The following ERC2 variants were observed in gnomAD, a reference collection of about 807,000 sequenced individuals.
ERC2 encodes the protein ERC protein 2.
ERC2 carries 42 observed loss-of-function variants against 114.8 expected under a neutral mutation model. The ratio of observed to expected loss-of-function variants is 0.37; its 90% CI spans 0.29 to 0.47. The LOEUF (loss-of-function observed/expected upper bound fraction) is 0.47, where lower values mean the gene tolerates loss of function less well. Among genes scored for constraint, ERC2 ranks in the 20% least tolerant of loss-of-function variants. The pLI, the probability that ERC2 is intolerant of heterozygous loss-of-function variation, is 0.99. For missense variants in ERC2, 939 were observed against 1,150.7 expected (o/e 0.82, Z 2.66); for synonymous variants, 454 against 425.5 (o/e 1.07, Z -0.82).
At chr3:55,845,188 T>C (rs1197022431) in intron 14 of ERC2, among the ~76,000 whole-genome samples, 3 of 152,124 alleles carry the variant, frequency 2.0e-5, no homozygotes, top group African/African-American at 7.2e-5. Flanking sequence ...AGCCCAGGGC[T>C]TGGGGACTCC....
chr3:55,948,032 A>G (rs2067245587), intron 13 of ERC2, among the ~76,000 whole-genome samples: 1 of 152,230 alleles, frequency 6.6e-6, no homozygotes, highest in African/African-American at 2.4e-5. Flanking sequence ...TCCAGGTTTG[A>G]CTGAGGTGAC....
intron 7 of ERC2, among the ~76,000 whole-genome samples, chr3:56,022,231 G>GA (rs1308236657): frequency 6.6e-6 from 1 of 152,072 alleles, no homozygotes; most frequent in African/African-American, 2.4e-5. Flanking sequence ...TTTGTAAAAA[G>GA]AAAAAATTAT....
At chr3:55,832,032 C>T (rs1411994609) in intron 14 of ERC2, among the ~76,000 whole-genome samples, 3 of 152,202 alleles carry the variant, frequency 2.0e-5, no homozygotes, top group African/African-American at 2.4e-5. Context: ...TCAAACTGCA[C>T]GTCAGCAGCG....
intron 14 of ERC2, among the ~76,000 whole-genome samples, chr3:55,833,629 C>A (rs1278823120): frequency 1.3e-5 from 2 of 152,200 alleles, no homozygotes; most frequent in Admixed American, 1.3e-4. Context: ...TGGAAAGGAA[C>A]AACTGGTACC....
chr3:55,538,784 T>C (rs754888066), intron 17 of ERC2, among the ~76,000 whole-genome samples: 3 of 152,226 alleles, frequency 2.0e-5, no homozygotes, highest in Admixed American at 6.5e-5. Context: ...GACCAAAGAC[T>C]GCAAGCTTAG....
chr3:56,142,668 A>G (rs1047554126), intron 5 of ERC2, among the ~76,000 whole-genome samples: 24 of 152,244 alleles, frequency 1.6e-4, no homozygotes, highest in African/African-American at 5.5e-4. Context: ...TTATTTAGAC[A>G]TATTAAACAC....
At chr3:56,316,958 C>G (rs1030383923) in intron 2 of ERC2, among the ~76,000 whole-genome samples, 3 of 152,308 alleles carry the variant, frequency 2.0e-5, no homozygotes, top group South Asian at 4.1e-4. Flanking sequence ...GACATTCACT[C>G]AACTCACTTT....
At chr3:56,317,921 G>A (rs1399778010) in intron 2 of ERC2, among the ~76,000 whole-genome samples, 3 of 152,136 alleles carry the variant, frequency 2.0e-5, no homozygotes, top group Admixed American at 6.5e-5. Context: ...AAGGAAATAA[G>A]ATATTTGAGA....
intron 3 of ERC2, among the ~76,000 whole-genome samples, chr3:56,284,178 T>C (rs1365286529): frequency 6.6e-6 from 1 of 152,194 alleles, no homozygotes; most frequent in East Asian, 1.9e-4. Context: ...CAAAATCATA[T>C]AGTCTGAACT....
At chr3:55,547,865 G>A (rs1327637530) in intron 17 of ERC2, among the ~76,000 whole-genome samples, 2 of 152,226 alleles carry the variant, frequency 1.3e-5, no homozygotes, top group Non-Finnish European at 2.9e-5. Context: ...CAGACGTAAG[G>A]TCACACAGCA....
At chr3:56,420,891 C>T (rs897937746) in intron 2 of ERC2, among the ~76,000 whole-genome samples, 5 of 147,218 alleles carry the variant, frequency 3.4e-5, no homozygotes, top group African/African-American at 5.1e-5. Flanking sequence ...AGCAAGACTC[C>T]GTCTCAAAAA....
chr3:55,583,399 T>TTTCCTTCCTTCCTTCCTTCTTCC (rs2057375911), intron 17 of ERC2, among the ~76,000 whole-genome samples: 4 of 86,978 alleles, frequency 4.6e-5, no homozygotes. Flanking sequence ...TCCTTCCTTC[T>TTTCCTTCCTTCCTTCCTTCTTCC]TTCCTTCCTT....
At chr3:55,625,737 C>G (rs9311574) in intron 17 of ERC2, among the ~76,000 whole-genome samples, 2 of 150,994 alleles carry the variant, frequency 1.3e-5, no homozygotes, top group African/African-American at 2.4e-5. Context: ...GGCGACAGAG[C>G]GAGACTCCGT....
chr3:56,191,318 T>C (rs2047763741), intron 3 of ERC2, among the ~76,000 whole-genome samples: 1 of 152,126 alleles, frequency 6.6e-6, no homozygotes, highest in African/African-American at 2.4e-5. Context: ...GTACTACCCC[T>C]GGAGGAGGCA....
chr3:56,363,935 G>A (rs575308882), intron 2 of ERC2, among the ~76,000 whole-genome samples: 128 of 151,926 alleles, frequency 8.4e-4, no homozygotes, highest in Non-Finnish European at 1.4e-3. Context: ...AGGAAAGCAA[G>A]GGAATGGAGA....
chr3:55,822,691 G>T (rs1467971587), intron 14 of ERC2, among the ~76,000 whole-genome samples: 3 of 147,034 alleles, frequency 2.0e-5, no homozygotes, highest in Non-Finnish European at 4.5e-5. Context: ...CAGCCTCCCC[G>T]AGTAGCTGGG....
intron 7 of ERC2, among the ~76,000 whole-genome samples, chr3:56,031,369 C>A (rs538921969): frequency 2.6e-5 from 4 of 152,264 alleles, no homozygotes; most frequent in Admixed American, 1.3e-4. Flanking sequence ...CCAGGCCCAC[C>A]CCCACATACC....
chr3:55,640,514 C>T (rs1005187313), intron 17 of ERC2, among the ~76,000 whole-genome samples: 20 of 152,150 alleles, frequency 1.3e-4, no homozygotes, highest in African/African-American at 4.8e-4. Context: ...TAGCAGGTGA[C>T]CTGGTTCTGA....
At chr3:56,064,172 C>A (rs1208795342) in intron 7 of ERC2, among the ~76,000 whole-genome samples, 1 of 152,180 alleles carries the variant, frequency 6.6e-6, no homozygotes, top group Non-Finnish European at 1.5e-5. Context: ...TTGTTTTCCC[C>A]TGACTACCTG....
Sources: gnomAD v4.1 joint callset for allele counts (sites outside exome capture counted in the v4.1 genomes callset) on GRCh38, gnomAD v4.1.1 for gene constraint, MANE v1.5 for transcripts, NCBI Gene and HGNC (gene_info 2026-07-23, HGNC 2026-07-21) for gene names.